Variants in API5 observed in about 807,000 individuals in gnomAD.
The protein encoded by API5 is apoptosis inhibitor 5, also known as FIF.
API5 carries 6 observed loss-of-function variants against 71.9 expected under a neutral mutation model. The observed-to-expected ratio is 0.08, with a 90% confidence interval of 0.05 to 0.16. API5 has a LOEUF of 0.16. Ranked by LOEUF, API5 falls within the 10% of genes least tolerant of loss-of-function variation. The probability of loss-of-function intolerance (pLI) is 1.00; values close to 1 mark genes in which losing one functional copy is unlikely to be tolerated. For missense variants in API5, 332 were observed against 612.8 expected (o/e 0.54, Z 4.84); for synonymous variants, 189 against 221.3 (o/e 0.85, Z 1.30).
intron 1 of API5, among the ~76,000 whole-genome samples, chr11:43,312,647 CAG>C (rs1453826290): frequency 6.6e-6 from 1 of 152,022 alleles, no homozygotes; most frequent in East Asian, 1.9e-4. Flanking sequence ...GTTTAGGAGA[CAG>C]AAGTTTGTGA....
At chr11:43,342,372 T>C in intron 13 of API5, 56 bp from the exon 14 acceptor site, 1 of 1,465,988 alleles carries the variant, frequency 6.8e-7, no homozygotes, top group Non-Finnish European at 9.2e-7. Flanking sequence ...TTCTTCTGCG[T>C]TTGCTGCACC....
intron 1 of API5, chr11:43,318,306 G>A: frequency 1.0e-6 from 1 of 1,002,870 alleles, no homozygotes; most frequent in Non-Finnish European, 1.5e-6. Flanking sequence ...ACCACGCCTG[G>A]CCCATTACAA....
chr11:43,332,198 A>C (rs951436492), intron 11 of API5: 1 of 152,202 alleles, frequency 6.6e-6, no homozygotes, highest in African/African-American at 2.4e-5. Context: ...CTCACAGTGC[A>C]CTTCTAACAC....
rs1304796272 is a variant in API5, at chr11:43,343,702, TGGG to T, written c.*1196_*1198del. 1 of 152,608 alleles carries T rather than the reference TGGG, an allele frequency of 6.6e-6. No homozygotes were observed. Among genetic ancestry groups the T allele is most frequent in the African/African-American group, 2.4e-5 (1 of 41,456 alleles). 9.5% of individuals were successfully genotyped at this position (152,608 alleles called of 1,614,324 possible). On this transcript the variant is annotated 3_prime_UTR_variant, in exon 14 of 14. Transcript: ENST00000531273. ...AGAATTTTTAGGTTAAAACAACAGATGGGGGGTTTGTGGAGTGTTTAATGTCAT... is the reference window on the plus strand; with the variant it reads ...AGAATTTTTAGGTTAAAACAACAGATGGGTTTGTGGAGTGTTTAATGTCAT...
intron 13 of API5, among the ~76,000 whole-genome samples, chr11:43,337,444 A>G (rs145430409): frequency 6.6e-6 from 1 of 152,352 alleles, no homozygotes; most frequent in African/African-American, 2.4e-5. Flanking sequence ...ATGTCTGAAC[A>G]AACAGATTAT....
chr11:43,330,940 A>G (rs984739603), intron 11 of API5, among the ~76,000 whole-genome samples: 3 of 152,196 alleles, frequency 2.0e-5, no homozygotes, highest in Admixed American at 6.5e-5. Context: ...TTACTTTTCA[A>G]TTCTGTTTAC....
intron 11 of API5, among the ~76,000 whole-genome samples, chr11:43,334,233 C>A (rs938715404): frequency 6.6e-6 from 1 of 152,130 alleles, no homozygotes; most frequent in African/African-American, 2.4e-5. Context: ...CAGGCAGACT[C>A]ATCTAATTTC....
intron 1 of API5, 119 bp downstream of exon 1, chr11:43,312,315 A>G (rs1282455487): frequency 2.7e-6 from 3 of 1,091,498 alleles, no homozygotes; most frequent in Admixed American, 2.1e-5. Flanking sequence ...GGGGCCTCCT[A>G]GCCTCCTCAG....
intron 8 of API5, 108 bp from the exon 9 acceptor site, chr11:43,328,604 T>G (rs900794682): frequency 1.4e-5 from 14 of 1,012,902 alleles, no homozygotes; most frequent in Non-Finnish European, 1.0e-5. Context: ...GTTTTGGTAG[T>G]TTTTAATGCT....
At chr11:43,324,476 G>T (rs5743226) in intron 6 of API5, among the ~76,000 whole-genome samples, 1 of 152,118 alleles carries the variant, frequency 6.6e-6, no homozygotes, top group Non-Finnish European at 1.5e-5. Context: ...TAGAGCAGGC[G>T]TGGTGGCCCG....
intron 11 of API5, among the ~76,000 whole-genome samples, chr11:43,334,790 T>A (rs546009924): frequency 6.6e-6 from 1 of 152,284 alleles, no homozygotes; most frequent in Admixed American, 6.5e-5. Flanking sequence ...GGAAACATGA[T>A]TAGCCAGAGT....
intron 13 of API5, among the ~76,000 whole-genome samples, chr11:43,336,774 C>T (rs1040831894): frequency 1.2e-4 from 18 of 152,078 alleles, no homozygotes; most frequent in Middle Eastern, 6.8e-3. Flanking sequence ...TTTGGGAGGC[C>T]GAGGCAGGCG....
At chr11:43,338,354 C>T (rs1348669739) in intron 13 of API5, among the ~76,000 whole-genome samples, 1 of 152,124 alleles carries the variant, frequency 6.6e-6, no homozygotes, top group Non-Finnish European at 1.5e-5. Flanking sequence ...CTTCCCGGTG[C>T]ATTCATAAAC....
Position 43,312,211 on chromosome 11 carries a change from C to T in API5, c.69+15C>T, listed in dbSNP as rs1420788873. 6.2e-7 allele frequency: 1 copy of T among 1,612,622 alleles called. No homozygotes were observed. The highest frequency in any genetic ancestry group is 8.5e-7 in the Non-Finnish European group (1 of 1,179,078). On this transcript the variant is annotated intron_variant, in intron 1 of 13. Transcript: ENST00000531273. ...AAGTGGGCCAGGTGAGTTGAGTCCC[C>T]GGGCGGCCTGCAGGGCCTGGCGCTC...
chr11:43,325,048 CTT>C (rs1439089239), intron 6 of API5, among the ~76,000 whole-genome samples: 8 of 151,472 alleles, frequency 5.3e-5, no homozygotes, highest in Non-Finnish European at 1.2e-4. Context: ...CTCCAGATGA[CTT>C]TGCAGTAAAG....
At chr11:43,336,868 TGTGGTGGCG>T (rs1855451766) in intron 13 of API5, among the ~76,000 whole-genome samples, 2 of 151,188 alleles carry the variant, frequency 1.3e-5, no homozygotes, top group South Asian at 4.2e-4. Context: ...ATTTGCCAGG[TGTGGTGGCG>T]GGCGCCTGTA....
chr11:43,324,471 C>A (rs1855000980), intron 6 of API5, among the ~76,000 whole-genome samples: 1 of 152,112 alleles, frequency 6.6e-6, no homozygotes, highest in African/African-American at 2.4e-5. Flanking sequence ...TATCCTAGAG[C>A]AGGCGTGGTG....
chr11:43,328,591 C>T (rs975002254), intron 8 of API5, 121 bp from the exon 9 acceptor site: 1 of 846,716 alleles, frequency 1.2e-6, no homozygotes, highest in African/African-American at 1.7e-5. Context: ...ATCCAAATGT[C>T]TGGTTTTGGT....
intron 13 of API5, among the ~76,000 whole-genome samples, chr11:43,338,424 C>A (rs1282063920): frequency 6.6e-6 from 1 of 151,892 alleles, no homozygotes; most frequent in Admixed American, 6.6e-5. Flanking sequence ...CCTAAAAGTA[C>A]TAAATGTTCT....
Sources: gnomAD v4.1 joint callset for allele counts (sites outside exome capture counted in the v4.1 genomes callset) on GRCh38, gnomAD v4.1.1 for gene constraint, MANE v1.5 for transcripts, NCBI Gene and HGNC (gene_info 2026-07-23, HGNC 2026-07-21) for gene names.